The following RORB variants were observed in gnomAD, a reference collection of about 807,000 sequenced individuals.
RORB encodes RAR related orphan receptor B, also known as nuclear receptor ROR-beta.
A neutral mutation model predicts 59.1 loss-of-function variants in RORB; 6 were observed. That is an observed-to-expected ratio of 0.10 (90% CI 0.06 to 0.20). The LOEUF (loss-of-function observed/expected upper bound fraction) is 0.20, where lower values mean the gene tolerates loss of function less well. RORB is among the 10% of genes least tolerant of loss of function. The pLI is 1.00. For missense variants in RORB, 320 were observed against 560.5 expected, an observed-to-expected ratio of 0.57 and a Z score of 4.33; for synonymous variants, 215 against 204.5, an observed-to-expected ratio of 1.05 and a Z score of -0.44.
chr9:74,548,323 A>AT (rs1250260661), intron 1 of RORB, among the ~76,000 whole-genome samples: 3 of 152,212 alleles, frequency 2.0e-5, no homozygotes, highest in South Asian at 2.1e-4. Context: ...TAAATTAGGT[A>AT]TTTTTTTATA....
chr9:74,639,532 T>G (rs541818488), intron 3 of RORB, among the ~76,000 whole-genome samples: 1 of 152,032 alleles, frequency 6.6e-6, no homozygotes, highest in African/African-American at 2.4e-5. Context: ...AAAACACAAA[T>G]TTATGTTTTT....
At chr9:74,525,036 A>C (rs1357408893) in intron 1 of RORB, among the ~76,000 whole-genome samples, 1 of 151,952 alleles carries the variant, frequency 6.6e-6, no homozygotes, top group African/African-American at 2.4e-5. Flanking sequence ...ATTTTACTTA[A>C]AACTAAGTCT....
Position 74,502,378 on chromosome 9 carries a change from C to G in RORB, c.7+4395C>G, listed in dbSNP as rs964281971. On this transcript the variant is annotated intron_variant, in intron 1 of 9. Transcript: ENST00000376896. ...ATTTAATACGATTTGATACAAAAAG[C>G]TTTTCTACATAAAAAGATAAGTAAA... Among the ~76,000 whole-genome samples, 7 of 151,990 alleles carry G rather than the reference C, an allele frequency of 4.6e-5. No individual in the cohort carries two copies. The East Asian group carries it at 1.3e-3, about 29-fold the overall frequency.
At chr9:74,577,434 CT>C (rs1160880204) in intron 1 of RORB, among the ~76,000 whole-genome samples, 1 of 152,156 alleles carries the variant, frequency 6.6e-6, no homozygotes, top group South Asian at 2.1e-4. Flanking sequence ...TAAATTTGCT[CT>C]AGGGAGCACT....
chr9:74,670,859 T>A (rs1172538296), intron 8 of RORB, among the ~76,000 whole-genome samples: 2 of 152,196 alleles, frequency 1.3e-5, no homozygotes, highest in Non-Finnish European at 2.9e-5. Context: ...AGGTTTTGCT[T>A]AACTGTTGGC....
chr9:74,640,504 C>T (rs983387410), intron 3 of RORB, among the ~76,000 whole-genome samples: 4 of 152,018 alleles, frequency 2.6e-5, no homozygotes, highest in African/African-American at 4.8e-5. Flanking sequence ...AGGATGGTCT[C>T]GATCTCCTGA....
chr9:74,539,725 G>A (rs1826375109), intron 1 of RORB, among the ~76,000 whole-genome samples: 1 of 152,068 alleles, frequency 6.6e-6, no homozygotes, highest in South Asian at 2.1e-4. Flanking sequence ...GAATGGCAGG[G>A]AAGACAGGGG....
Position 74,497,735 on chromosome 9 carries a change from A to C in RORB, c.-242A>C. 1 of 457,804 alleles carries C rather than the reference A, an allele frequency of 2.2e-6. No individual in the cohort carries two copies. Among genetic ancestry groups the C allele is most frequent in the African/African-American group, 2.0e-5 (1 of 51,070 alleles). 28.4% of individuals were successfully genotyped at this position (457,804 alleles called of 1,614,324 possible). ...CATTTTTTTTTCACCCTTCCTGAAA[A>C]CAAACAAACAAACAAACAATCATCA... On this transcript the variant is annotated 5_prime_UTR_variant, in exon 1 of 10. Transcript: ENST00000376896.
At position 74,634,676 on chromosome 9, in the gene RORB, C is replaced by G. The variant is rs1253213392; in HGVS notation, c.139C>G (p.Pro47Ala). ...GCAGAACAATGCTTCTTATTCCTGC[C>G]CAAGGCAGAGAAACTGTTTAATTGA... is the stretch of plus-strand genomic sequence containing the variant. ...SQQNNASYSCPRQRNCLIDRT... is the reference protein window; with the variant it reads ...SQQNNASYSCARQRNCLIDRT... The change falls in exon 3 of 10, where the codon CCA becomes GCA. Residue 47 changes from proline to alanine, a missense_variant. This residue lies in a region of RORB where 37 missense variants were observed against 116.4 expected (regional missense o/e 0.32). Transcript: ENST00000376896. 4 of 1,613,372 alleles carry G rather than the reference C, an allele frequency of 2.5e-6. No individual in the cohort carries two copies. In the South Asian group the frequency reaches 4.4e-5, roughly 18 times the overall value.
intron 3 of RORB, among the ~76,000 whole-genome samples, chr9:74,639,269 CT>C (rs1022168846): frequency 6.6e-6 from 1 of 152,216 alleles, no homozygotes; most frequent in African/African-American, 2.4e-5. Flanking sequence ...TCACACGAGC[CT>C]TTTTCAAGTC....
Position 74,671,790 on chromosome 9 carries a change from C to T in RORB, c.1113C>T (p.Asp371=), listed in dbSNP as rs936943145. The T allele has an allele frequency of 1.2e-6, 2 of 1,605,666 alleles. No homozygotes were observed. The highest frequency in any genetic ancestry group is 1.1e-5 in the South Asian group (1 of 90,196). Reference sequence around the variant, plus strand: ...CTTACCCACTCTTTCTTTCATCAGACCGAGCCTGGCTTATAGAACCAAGGA... The same window carrying T: ...CTTACCCACTCTTTCTTTCATCAGATCGAGCCTGGCTTATAGAACCAAGGA... ...LFSSAVLISP[D]RAWLIEPRKV... Residue 371 remains aspartate (D), a splice_region_variant and synonymous_variant, in exon 9 of 10, where the codon GAC becomes GAT. Transcript: ENST00000376896.
In RORB at chr9:74,642,610, G is replaced by A; in HGVS notation, c.432G>A (p.Gly144=). The change falls in exon 4 of 10, where the codon GGG becomes GGA. Residue 144 remains glycine (G), a synonymous_variant. Transcript: ENST00000376896. ...AGACCAGCGGCACTTATGCCAACGGGCACGTCATTGACCTGCCCAAGTCTG... is the reference window on the plus strand; with the variant it reads ...AGACCAGCGGCACTTATGCCAACGGACACGTCATTGACCTGCCCAAGTCTG... ...NNETSGTYAN[G]HVIDLPKSEG... is the part of the protein sequence containing the mutation. The A allele has an allele frequency of 6.2e-7, 1 of 1,614,168 alleles. No homozygotes were observed. Among genetic ancestry groups the A allele is most frequent in the South Asian group, 1.1e-5 (1 of 91,080 alleles).
At chr9:74,542,069 A>G (rs1301414378) in intron 1 of RORB, among the ~76,000 whole-genome samples, 1 of 152,044 alleles carries the variant, frequency 6.6e-6, no homozygotes, top group African/African-American at 2.4e-5. Context: ...AGCAAATGCA[A>G]TCCTCTTAAA....
rs934252519 is a variant in RORB at position 74,510,136 on chromosome 9, T to C, written c.7+12153T>C. Among the ~76,000 whole-genome samples, 3 of 152,134 alleles carry C rather than the reference T, an allele frequency of 2.0e-5. No homozygotes were observed. The South Asian group carries it at 6.2e-4, about 31-fold the overall frequency. ...CTTGAAATACCAACCCTACTCTTCA[T>C]TTATTCTGCAGGACTCCAATTGATC... On this transcript the variant is annotated intron_variant, in intron 1 of 9. Coordinates refer to ENST00000376896, the MANE Select transcript of RORB (RefSeq NM_006914.4).
intron 1 of RORB, among the ~76,000 whole-genome samples, chr9:74,612,810 A>G (rs890082602): frequency 3.9e-5 from 6 of 152,200 alleles, no homozygotes; most frequent in African/African-American, 1.4e-4. Context: ...GAACTATAAC[A>G]CATCAGATAT....
At chr9:74,565,791 C>A (rs1822461143) in intron 1 of RORB, among the ~76,000 whole-genome samples, 1 of 152,058 alleles carries the variant, frequency 6.6e-6, no homozygotes, top group African/African-American at 2.4e-5. Context: ...TACAGATATG[C>A]TGTTGAGTGA....
At chr9:74,500,390 G>C (rs985830522) in intron 1 of RORB, among the ~76,000 whole-genome samples, 11 of 152,204 alleles carry the variant, frequency 7.2e-5, no homozygotes, top group Non-Finnish European at 1.6e-4. Flanking sequence ...CTGACGTCTT[G>C]TGGAGTTGGG....
chr9:74,607,628 AT>A (rs1340151043), intron 1 of RORB, among the ~76,000 whole-genome samples: 1 of 151,982 alleles, frequency 6.6e-6, no homozygotes, highest in Admixed American at 6.6e-5. Flanking sequence ...ACATAAGTGT[AT>A]TCATAAGTAC....
At chr9:74,597,117 G>A (rs1323367) in intron 1 of RORB, among the ~76,000 whole-genome samples, 2 of 152,140 alleles carry the variant, frequency 1.3e-5, no homozygotes, top group Non-Finnish European at 1.5e-5. Flanking sequence ...CCAAGGATTT[G>A]CATTTCCTTC....
Sources: gnomAD v4.1 joint callset for allele counts (sites outside exome capture counted in the v4.1 genomes callset) on GRCh38, gnomAD v4.1.1 for gene constraint, gnomAD v4.1.1 regional missense constraint, MANE v1.5 for transcripts, NCBI Gene and HGNC (gene_info 2026-07-23, HGNC 2026-07-21) for gene names.